CDYL2: variants seen among roughly 807,000 people sequenced by gnomAD.
CDYL2 encodes chromodomain Y like 2.
Under a neutral mutation model 49.4 loss-of-function variants are expected in CDYL2, and 23 were observed. The observed-to-expected ratio is 0.47, with a 90% confidence interval of 0.34 to 0.66. CDYL2 has a LOEUF of 0.66. Ranked by LOEUF, CDYL2 falls within the 30% of genes least tolerant of loss-of-function variation. CDYL2 has a pLI of 0.01. For synonymous variants in CDYL2, 360 were observed against 268.8 expected (o/e 1.34, Z -3.32); for missense variants, 678 against 656.4 (o/e 1.03, Z -0.36).
At chr16:80,703,349 G>C (rs889780883) in intron 1 of CDYL2, among the ~76,000 whole-genome samples, 1 of 151,588 alleles carries the variant, frequency 6.6e-6, no homozygotes, top group South Asian at 2.1e-4. Flanking sequence ...TCTTTTTTTC[G>C]ACTGTGAACC....
intron 1 of CDYL2, among the ~76,000 whole-genome samples, chr16:80,781,195 G>C (rs905280208): frequency 1.3e-5 from 2 of 152,194 alleles, no homozygotes; most frequent in African/African-American, 4.8e-5. Flanking sequence ...GAACATGCTA[G>C]AAAAGGCCCT....
intron 2 of CDYL2, chr16:80,639,637 T>C: frequency 4.4e-6 from 2 of 453,758 alleles, no homozygotes; most frequent in Middle Eastern, 8.8e-4. Flanking sequence ...AAAAAATACC[T>C]TCATAAGAAC....
At chr16:80,634,775 A>G (rs1907741352) in intron 2 of CDYL2, among the ~76,000 whole-genome samples, 1 of 152,216 alleles carries the variant, frequency 6.6e-6, no homozygotes, top group Non-Finnish European at 1.5e-5. Context: ...GGAGAAATAC[A>G]TCATCTCATC....
chr16:80,675,926 C>T (rs1030787182), intron 2 of CDYL2, among the ~76,000 whole-genome samples: 5 of 152,118 alleles, frequency 3.3e-5, no homozygotes, highest in Non-Finnish European at 5.9e-5. Context: ...GGGAGGAAAA[C>T]GACAGCTGAG....
In CDYL2 at chr16:80,660,238, A is replaced by C. The variant is rs537319779; in HGVS notation, c.616+24300T>G. ...GAGGAAGACACGGGTAAAAAAATAGATTTTTAAAATTTTAGTAAATGTAAT... is the reference window on the plus strand; with the variant it reads ...GAGGAAGACACGGGTAAAAAAATAGCTTTTTAAAATTTTAGTAAATGTAAT... On this transcript the variant is annotated intron_variant, in intron 2 of 6. Coordinates refer to ENST00000570137, the MANE Select transcript of CDYL2 (RefSeq NM_152342.4). 3.3e-5 allele frequency among the ~76,000 whole-genome samples: 5 copies of C among 152,138 alleles called. No homozygotes were observed. In the South Asian group the frequency reaches 1.0e-3, roughly 31 times the overall value.
intron 2 of CDYL2, among the ~76,000 whole-genome samples, chr16:80,647,680 G>C (rs183270893): frequency 1.4e-3 from 210 of 152,230 alleles, no homozygotes; most frequent in South Asian, 6.8e-3. Context: ...CTGCACTATA[G>C]GCCAAATGGA....
chr16:80,711,191 C>T lies in CDYL2; in HGVS notation c.25-26062G>A, dbSNP rs79939034. Among the ~76,000 whole-genome samples the T allele has an allele frequency of 3.3e-3, 506 of 152,296 alleles. 2 individuals carry two copies. The highest frequency in any genetic ancestry group is 0.01 in the Middle Eastern group (3 of 294). Reference sequence around the variant, plus strand: ...ACCAGGTGGGAGGATTTGTTTCAAGCGGCGCTGTTACCAGGAAGACAACTT... The same window carrying T: ...ACCAGGTGGGAGGATTTGTTTCAAGTGGCGCTGTTACCAGGAAGACAACTT... On this transcript the variant is annotated intron_variant, in intron 1 of 6. Coordinates refer to ENST00000570137, the MANE Select transcript of CDYL2 (RefSeq NM_152342.4).
chr16:80,676,403 T>G (rs562100520), intron 2 of CDYL2, among the ~76,000 whole-genome samples: 17 of 152,228 alleles, frequency 1.1e-4, no homozygotes, highest in Non-Finnish European at 1.9e-4. Context: ...TGGATACCTG[T>G]GCTGACAAGA....
chr16:80,638,058 T>C (rs567175492), intron 2 of CDYL2, among the ~76,000 whole-genome samples: 1 of 151,998 alleles, frequency 6.6e-6, no homozygotes, highest in South Asian at 2.1e-4. Flanking sequence ...ATAATCTGTG[T>C]TAATGAATTG....
At chr16:80,776,103 C>T (rs900811726) in intron 1 of CDYL2, among the ~76,000 whole-genome samples, 4 of 151,992 alleles carry the variant, frequency 2.6e-5, no homozygotes, top group Non-Finnish European at 5.9e-5. Flanking sequence ...CACCCTCCCA[C>T]GTTAATTCTT....
intron 1 of CDYL2, among the ~76,000 whole-genome samples, chr16:80,765,017 G>C (rs1488756917): frequency 2.1e-5 from 3 of 140,606 alleles, no homozygotes; most frequent in Non-Finnish European, 3.0e-5. Flanking sequence ...CCGAGATCGC[G>C]CCACTGCACT....
At chr16:80,780,363 T>C (rs1468925661) in intron 1 of CDYL2, among the ~76,000 whole-genome samples, 1 of 151,676 alleles carries the variant, frequency 6.6e-6, no homozygotes, top group African/African-American at 2.4e-5. Flanking sequence ...TATGCAAGGC[T>C]GTACATGAGG....
At chr16:80,639,089 T>C (rs9936109) in intron 2 of CDYL2, among the ~76,000 whole-genome samples, 11,360 of 152,244 alleles carry the variant, frequency 0.075, 1,324 homozygotes, top group African/African-American at 0.25. Context: ...GACAAGCATA[T>C]TGAAATGACA....
chr16:80,721,823 C>G (rs1412164034), intron 1 of CDYL2, among the ~76,000 whole-genome samples: 1 of 152,192 alleles, frequency 6.6e-6, no homozygotes, highest in Non-Finnish European at 1.5e-5. Flanking sequence ...CCATCCTTCT[C>G]CTGGTGCCAT....
chr16:80,634,643 T>A (rs9924202), intron 2 of CDYL2, among the ~76,000 whole-genome samples: 8,958 of 151,972 alleles, frequency 0.059, 813 homozygotes, highest in African/African-American at 0.2. Context: ...AAGTATAATT[T>A]AAAAAATAAA....
chr16:80,706,538 G>C (rs1904410447), intron 1 of CDYL2, among the ~76,000 whole-genome samples: 1 of 152,192 alleles, frequency 6.6e-6, no homozygotes, highest in African/African-American at 2.4e-5. Context: ...ATGTTTGGAA[G>C]GAATTCATGA....
intron 1 of CDYL2, among the ~76,000 whole-genome samples, chr16:80,734,097 T>C (rs113396087): frequency 2.0e-5 from 3 of 152,328 alleles, no homozygotes; most frequent in African/African-American, 4.8e-5. Flanking sequence ...GACCCCATAC[T>C]TCCTTTAGAT....
chr16:80,676,510 C>T (rs1430318857), intron 2 of CDYL2, among the ~76,000 whole-genome samples: 1 of 152,126 alleles, frequency 6.6e-6, no homozygotes, highest in East Asian at 1.9e-4. Context: ...AACCAGTTTC[C>T]CTGGGCCTCT....
chr16:80,802,958 C>T (rs1472625501), intron 1 of CDYL2, among the ~76,000 whole-genome samples: 2 of 152,330 alleles, frequency 1.3e-5, no homozygotes, highest in African/African-American at 2.4e-5. Flanking sequence ...AACCAGATGG[C>T]GTTAACCAAT....
Sources: allele counts gnomAD v4.1 joint callset (sites outside exome capture counted in the v4.1 genomes callset), GRCh38; gene constraint gnomAD v4.1.1; transcripts MANE v1.5; gene names NCBI Gene and HGNC (gene_info 2026-07-23, HGNC 2026-07-21).